Variants in CALN1 observed in about 807,000 individuals in gnomAD.
CALN1 encodes the protein calcium-binding protein 8.
A neutral mutation model predicts 30.6 loss-of-function variants in CALN1; 17 were observed. The observed-to-expected ratio is 0.56, with a 90% CI of 0.38 to 0.83. The LOEUF is 0.83. Among genes scored for constraint, CALN1 ranks in the 40% least tolerant of loss-of-function variants. The probability of loss-of-function intolerance (pLI) is 0.00; values close to 1 mark genes in which losing one functional copy is unlikely to be tolerated. For missense variants in CALN1, 291 were observed against 354.9 expected (o/e 0.82, Z 1.45); for synonymous variants, 156 against 131.4 (o/e 1.19, Z -1.28).
intron 5 of CALN1, among the ~76,000 whole-genome samples, chr7:71,968,807 G>T (rs1181952789): frequency 6.6e-6 from 1 of 152,028 alleles, no homozygotes; most frequent in Non-Finnish European, 1.5e-5. Flanking sequence ...CACTTTGGGA[G>T]GCTGAGGTGA....
At chr7:71,988,250 A>T (rs1242598932) in intron 5 of CALN1, among the ~76,000 whole-genome samples, 1 of 152,206 alleles carries the variant, frequency 6.6e-6, no homozygotes, top group Non-Finnish European at 1.5e-5. Flanking sequence ...AAGGAAATGA[A>T]GCAAAAATAA....
intron 2 of CALN1, among the ~76,000 whole-genome samples, chr7:72,393,742 C>CTTTTTTTTT (rs11302119): frequency 8.0e-6 from 1 of 125,784 alleles, no homozygotes. Flanking sequence ...GACCATAGAG[C>CTTTTTTTTT]TTTTTTTTTT....
intron 3 of CALN1, among the ~76,000 whole-genome samples, chr7:72,242,754 G>A (rs1359487472): frequency 6.6e-6 from 1 of 152,102 alleles, no homozygotes; most frequent in Admixed American, 6.6e-5. Context: ...CAGGCGTGGT[G>A]GCATGTGCCT....
chr7:72,094,319 A>G (rs765536911), intron 4 of CALN1, among the ~76,000 whole-genome samples: 13 of 152,144 alleles, frequency 8.5e-5, no homozygotes, highest in Non-Finnish European at 1.9e-4. Context: ...CAATGGCACA[A>G]TCTCAGCTCA....
At chr7:72,087,895 G>A (rs559644769) in intron 4 of CALN1, among the ~76,000 whole-genome samples, 2 of 152,296 alleles carry the variant, frequency 1.3e-5, no homozygotes, top group East Asian at 1.9e-4. Flanking sequence ...GGGCGTGATG[G>A]TGCACGCCTG....
At chr7:72,292,803 AG>A (rs1798581905) in intron 2 of CALN1, among the ~76,000 whole-genome samples, 1 of 114,694 alleles carries the variant, frequency 8.7e-6, no homozygotes, top group Non-Finnish European at 1.7e-5. Context: ...CTTGGGCAAC[AG>A]AACAATACTC....
At chr7:72,084,190 CAG>C (rs1805334449) in intron 4 of CALN1, among the ~76,000 whole-genome samples, 1 of 152,076 alleles carries the variant, frequency 6.6e-6, no homozygotes, top group Non-Finnish European at 1.5e-5. Context: ...GCCTGGGTAA[CAG>C]AGTAAGACTC....
intron 4 of CALN1, among the ~76,000 whole-genome samples, chr7:72,039,659 C>T (rs1802006927): frequency 6.6e-6 from 1 of 152,202 alleles, no homozygotes; most frequent in African/African-American, 2.4e-5. Flanking sequence ...CACCTCCTTC[C>T]CCACTGTGCA....
At chr7:72,334,679 C>A (rs1562898245) in intron 2 of CALN1, among the ~76,000 whole-genome samples, 1 of 152,214 alleles carries the variant, frequency 6.6e-6, no homozygotes, top group Non-Finnish European at 1.5e-5. Flanking sequence ...TAGTTGCTTT[C>A]AGAGTTCAGG....
chr7:72,269,358 C>G lies in CALN1; in HGVS notation c.244+9328G>C, dbSNP rs920995269. 2.6e-5 allele frequency among the ~76,000 whole-genome samples: 4 copies of G among 152,040 alleles called. No homozygotes were observed. The East Asian group carries it at 7.7e-4, about 29-fold the overall frequency. ...TATCTCCTAATGCTATCCCTCCCCC[C>G]TGCCCCCACTCCACAACAGGCCCCA... is the stretch of plus-strand genomic sequence containing the variant. On this transcript the variant is annotated intron_variant, in intron 3 of 6. Coordinates refer to ENST00000395275, the MANE Select transcript of CALN1 (RefSeq NM_031468.4).
chr7:71,851,186 G>GAC (rs1790617331), intron 5 of CALN1, among the ~76,000 whole-genome samples: 1 of 149,620 alleles, frequency 6.7e-6, no homozygotes, highest in Admixed American at 6.8e-5. Flanking sequence ...TAGCCTGGGC[G>GAC]ACAGAGAGAG....
chr7:72,244,996 A>G (rs1198503700), intron 3 of CALN1, among the ~76,000 whole-genome samples: 1 of 152,184 alleles, frequency 6.6e-6, no homozygotes, highest in Non-Finnish European at 1.5e-5. Context: ...CAGGCATCCT[A>G]CATCTCACAT....
chr7:72,052,350 G>C (rs1243279231), intron 4 of CALN1, among the ~76,000 whole-genome samples: 1 of 152,158 alleles, frequency 6.6e-6, no homozygotes, highest in Non-Finnish European at 1.5e-5. Flanking sequence ...GCAGGTCTCT[G>C]GAGGGAAGGT....
At chr7:72,076,646 A>AAAAAAAAAAAAAAAAAAAG in intron 4 of CALN1, among the ~76,000 whole-genome samples, 1 of 124,598 alleles carries the variant, frequency 8.0e-6, no homozygotes, top group Admixed American at 8.7e-5. Flanking sequence ...AAAAAAAAAA[A>AAAAAAAAAAAAAAAAAAAG]AGCAAAGACA....
At chr7:72,456,749 G>A in the CALN1 span, among the ~76,000 whole-genome samples, 1 of 152,042 alleles carries the variant, frequency 6.6e-6, no homozygotes, top group Non-Finnish European at 1.5e-5. Flanking sequence ...GGGAGGCTGA[G>A]GCAGGAGGAG....
intron 3 of CALN1, among the ~76,000 whole-genome samples, chr7:72,212,135 G>A (rs1792444351): frequency 6.6e-6 from 1 of 152,196 alleles, no homozygotes; most frequent in African/African-American, 2.4e-5. Flanking sequence ...GGCAGATAAG[G>A]AGGTCAGGAG....
chr7:72,083,732 A>G (rs148577288), intron 4 of CALN1, among the ~76,000 whole-genome samples: 9 of 152,260 alleles, frequency 5.9e-5, no homozygotes, highest in Middle Eastern at 3.4e-3. Flanking sequence ...CATCCTGGCC[A>G]ACATGGTGAA....
chr7:71,855,826 G>A (rs1790914710), intron 5 of CALN1, among the ~76,000 whole-genome samples: 1 of 152,154 alleles, frequency 6.6e-6, no homozygotes, highest in Admixed American at 6.5e-5. Context: ...TTTCTTTTCA[G>A]CTTAAATTGG....
chr7:72,469,771 G>A, the CALN1 span, among the ~76,000 whole-genome samples: 4 of 152,104 alleles, frequency 2.6e-5, no homozygotes, highest in East Asian at 1.9e-4. Context: ...ACACTGTTTC[G>A]ATTAGTATAG....
Sources: gnomAD v4.1 joint callset for allele counts (sites outside exome capture counted in the v4.1 genomes callset) on GRCh38, gnomAD v4.1.1 for gene constraint, MANE v1.5 for transcripts, NCBI Gene and HGNC (gene_info 2026-07-23, HGNC 2026-07-21) for gene names.